Variants in CNTN4 observed in about 807,000 individuals in gnomAD.
The protein encoded by CNTN4 is contactin-4.
In CNTN4, 77 loss-of-function variants were observed where a neutral mutation model predicts 122.5. The ratio of observed to expected loss-of-function variants is 0.63; its 90% CI spans 0.52 to 0.76. The LOEUF is 0.76. CNTN4 is among the 30% of genes least tolerant of loss of function. The probability of loss-of-function intolerance (pLI) is 0.00; values close to 1 mark genes in which losing one functional copy is unlikely to be tolerated. For synonymous variants in CNTN4, 512 were observed against 447.0 expected (o/e 1.15, Z -1.83); for missense variants, 1,256 against 1,259.1 (o/e 1.00, Z 0.04).
At chr3:2,345,142 G>C (rs2044353691) in intron 3 of CNTN4, among the ~76,000 whole-genome samples, 1 of 152,146 alleles carries the variant, frequency 6.6e-6, no homozygotes, top group African/African-American at 2.4e-5. Flanking sequence ...CATCCCTGTG[G>C]CCTTACATTA....
intron 8 of CNTN4, among the ~76,000 whole-genome samples, chr3:2,873,750 C>T (rs2093812845): frequency 6.6e-6 from 1 of 152,176 alleles, no homozygotes; most frequent in Non-Finnish European, 1.5e-5. Context: ...TGAACCCAGT[C>T]ATTTAGGAGA....
intron 6 of CNTN4, among the ~76,000 whole-genome samples, chr3:2,773,616 C>T (rs1484879242): frequency 6.6e-6 from 1 of 151,920 alleles, no homozygotes; most frequent in East Asian, 1.9e-4. Flanking sequence ...GCAGTAAGGC[C>T]GAAATTCCTT....
chr3:2,169,823 AC>A (rs773897405), intron 2 of CNTN4, among the ~76,000 whole-genome samples: 8 of 152,174 alleles, frequency 5.3e-5, no homozygotes, highest in Non-Finnish European at 1.0e-4. Context: ...CTCTTAGTCA[AC>A]AATGCTCTGA....
At chr3:2,575,465 C>G (rs1165237321) in intron 4 of CNTN4, among the ~76,000 whole-genome samples, 1 of 152,038 alleles carries the variant, frequency 6.6e-6, no homozygotes, top group Non-Finnish European at 1.5e-5. Flanking sequence ...GAGCCGAGAT[C>G]GTACTACTGC....
intron 2 of CNTN4, among the ~76,000 whole-genome samples, chr3:2,329,821 C>T (rs2043643080): frequency 6.6e-6 from 1 of 152,154 alleles, no homozygotes; most frequent in Admixed American, 6.5e-5. Context: ...GTCCTCCTAA[C>T]AGCCCTTATG....
intron 4 of CNTN4, among the ~76,000 whole-genome samples, chr3:2,667,643 G>A (rs1313423739): frequency 7.0e-6 from 1 of 143,608 alleles, no homozygotes; most frequent in Non-Finnish European, 1.5e-5. Flanking sequence ...TGCTTTTGGT[G>A]TTTTAGACAT....
At chr3:2,165,743 T>A (rs2036166464) in intron 2 of CNTN4, among the ~76,000 whole-genome samples, 1 of 151,932 alleles carries the variant, frequency 6.6e-6, no homozygotes, top group African/African-American at 2.4e-5. Context: ...TTTCTATGGG[T>A]TCAACTCTTT....
chr3:2,900,621 A>G, intron 10 of CNTN4, 64 bp from the exon 11 acceptor site: 1 of 1,553,820 alleles, frequency 6.4e-7, no homozygotes, highest in Admixed American at 1.7e-5. Context: ...TTGATTGAAT[A>G]TGATAAAAAT....
intron 3 of CNTN4, chr3:2,362,113 C>T (rs1399270106): frequency 1.3e-5 from 2 of 153,124 alleles, no homozygotes; most frequent in Non-Finnish European, 2.9e-5. Context: ...TGTAAGGAAC[C>T]AAGTATGACT....
chr3:2,817,705 A>T (rs913277676), intron 6 of CNTN4, among the ~76,000 whole-genome samples: 2 of 152,138 alleles, frequency 1.3e-5, no homozygotes, highest in African/African-American at 4.8e-5. Flanking sequence ...TCAGCTCTTA[A>T]TTTTTCATGC....
intron 2 of CNTN4, among the ~76,000 whole-genome samples, chr3:2,242,211 C>A (rs781779489): frequency 1.3e-5 from 2 of 152,068 alleles, no homozygotes; most frequent in Non-Finnish European, 2.9e-5. Flanking sequence ...TGCTTTGCTT[C>A]TCTAATGTAT....
At chr3:2,813,567 C>T (rs551927877) in intron 6 of CNTN4, among the ~76,000 whole-genome samples, 17 of 152,128 alleles carry the variant, frequency 1.1e-4, no homozygotes, top group African/African-American at 4.1e-4. Context: ...CATTTTAAAA[C>T]TAAACTTTTT....
chr3:2,734,852 A>G (rs1258505802), intron 4 of CNTN4, among the ~76,000 whole-genome samples: 1 of 152,174 alleles, frequency 6.6e-6, no homozygotes, highest in Non-Finnish European at 1.5e-5. Context: ...GCCCTTCAAA[A>G]TAATCACATA....
At chr3:2,371,789 G>T (rs899109041) in intron 3 of CNTN4, among the ~76,000 whole-genome samples, 1 of 152,116 alleles carries the variant, frequency 6.6e-6, no homozygotes, top group Non-Finnish European at 1.5e-5. Context: ...ATTCTCACTA[G>T]ACCTGTTAGA....
chr3:2,488,265 A>C (rs1376927957), intron 3 of CNTN4, among the ~76,000 whole-genome samples: 1 of 152,194 alleles, frequency 6.6e-6, no homozygotes, highest in East Asian at 1.9e-4. Context: ...CCTTTTGCTC[A>C]ATGTCATTTC....
chr3:3,023,513 G>A (rs1698468268), intron 14 of CNTN4, among the ~76,000 whole-genome samples: 1 of 152,214 alleles, frequency 6.6e-6, no homozygotes, highest in South Asian at 2.1e-4. Flanking sequence ...ACGTGAGCCA[G>A]AATTTCAAAT....
chr3:2,401,557 G>A (rs957383148), intron 3 of CNTN4, among the ~76,000 whole-genome samples: 1 of 151,946 alleles, frequency 6.6e-6, no homozygotes, highest in African/African-American at 2.4e-5. Context: ...AATAATCATA[G>A]GTTTCTAATA....
intron 3 of CNTN4, among the ~76,000 whole-genome samples, chr3:2,569,938 CTCT>C (rs2079345068): frequency 6.6e-6 from 1 of 152,056 alleles, no homozygotes. Flanking sequence ...GATAAAGAGA[CTCT>C]AGAGGATAGA....
At chr3:2,151,216 C>T (rs1169132691) in intron 2 of CNTN4, among the ~76,000 whole-genome samples, 10 of 152,218 alleles carry the variant, frequency 6.6e-5, no homozygotes, top group African/African-American at 2.2e-4. Flanking sequence ...TGAGCCACTT[C>T]GCCTGGCCAA....
Sources: allele counts gnomAD v4.1 joint callset (sites outside exome capture counted in the v4.1 genomes callset), GRCh38; gene constraint gnomAD v4.1.1; transcripts MANE v1.5; gene names NCBI Gene and HGNC (gene_info 2026-07-23, HGNC 2026-07-21).